DOCK10: variants seen among roughly 807,000 people sequenced by gnomAD.
DOCK10 encodes dedicator of cytokinesis 10.
A neutral mutation model predicts 280.1 loss-of-function variants in DOCK10; 145 were observed. The ratio of observed to expected loss-of-function variants is 0.52; its 90% CI spans 0.45 to 0.59. The LOEUF (loss-of-function observed/expected upper bound fraction) is 0.59. Ranked by LOEUF, DOCK10 falls within the 20% of genes least tolerant of loss-of-function variation. DOCK10 has a pLI of 0.00. For missense variants in DOCK10, 2,368 were observed against 2,651.7 expected, an observed-to-expected ratio of 0.89 and a Z score of 2.35; for synonymous variants, 915 against 942.2, an observed-to-expected ratio of 0.97 and a Z score of 0.53.
chr2:224,971,818 G>A (rs1274227064), intron 1 of DOCK10, among the ~76,000 whole-genome samples: 1 of 152,036 alleles, frequency 6.6e-6, no homozygotes, highest in Non-Finnish European at 1.5e-5. Flanking sequence ...AAATTGAAAT[G>A]TGTTATATGT....
rs957515464 is a variant in DOCK10, at chr2:224,871,971, C to T, written c.1257+2025G>A. On this transcript the variant is annotated intron_variant, in intron 11 of 55. Transcript: ENST00000258390. ...GGGACCTTGCTTATCTAGTTACTTCCTGTTTTCCCAGTTCTTAGGACAAGT... is the reference window on the plus strand; with the variant it reads ...GGGACCTTGCTTATCTAGTTACTTCTTGTTTTCCCAGTTCTTAGGACAAGT... 4.4e-4 allele frequency among the ~76,000 whole-genome samples: 67 copies of T among 152,176 alleles called. 2 individuals are homozygous for T. Among genetic ancestry groups the T allele is most frequent in the Non-Finnish European group, 2.9e-5 (2 of 68,028 alleles).
Position 224,916,891 on chromosome 2 carries a change from G to T in DOCK10, c.244-107C>A, listed in dbSNP as rs1701359600. 5 of 799,168 alleles carry T rather than the reference G, an allele frequency of 6.3e-6. No individual in the cohort carries two copies. In the Admixed American group the frequency reaches 1.2e-4, roughly 18 times the overall value. The allele number at this position is 799,168 out of a possible 1,614,324, so 49.5% of individuals were successfully genotyped here. On this transcript the variant is annotated intron_variant, in intron 2 of 55. Transcript: ENST00000258390. ...AGTCTTTTAGATCTTAGTATTTAAAGTTAACAGAAGACAGAGACACTTCTG... is the reference window on the plus strand; with the variant it reads ...AGTCTTTTAGATCTTAGTATTTAAATTTAACAGAAGACAGAGACACTTCTG...
chr2:225,014,927 T>C (rs1195155631), intron 1 of DOCK10, among the ~76,000 whole-genome samples: 10 of 152,348 alleles, frequency 6.6e-5, no homozygotes, highest in Admixed American at 6.5e-4. Context: ...ACTAATTCAT[T>C]CTTTACCTCT....
rs745656233 is a variant in DOCK10 at position 224,805,396 on chromosome 2, G to A, written c.3936+12C>T. 40 of 1,612,620 alleles carry A rather than the reference G, an allele frequency of 2.5e-5. 1 individual carries two copies. In the Middle Eastern group the frequency reaches 6.6e-4, roughly 27 times the overall value. On this transcript the variant is annotated intron_variant, in intron 35 of 55. Transcript: ENST00000258390. The surrounding 1 kb of genome is among the most constrained non-coding windows in gnomAD (Gnocchi z 4.3). Reference sequence around the variant, plus strand: ...CTTGTAATGATCAGTAGGTTTGAGAGGGAAGTCATACCTTTTCACAGTTGT... The same window carrying A: ...CTTGTAATGATCAGTAGGTTTGAGAAGGAAGTCATACCTTTTCACAGTTGT...
intron 19 of DOCK10, among the ~76,000 whole-genome samples, chr2:224,846,601 A>G (rs1279936638): frequency 6.7e-6 from 1 of 150,052 alleles, no homozygotes; most frequent in East Asian, 2.0e-4. Context: ...GGTTCAAGTG[A>G]TTCTCCTGCC....
intron 55 of DOCK10, among the ~76,000 whole-genome samples, chr2:224,768,060 T>C (rs1402619910): frequency 6.6e-6 from 1 of 151,606 alleles, no homozygotes; most frequent in Admixed American, 6.6e-5. Flanking sequence ...ATTGTAGGAG[T>C]GTGCCACCAC....
chr2:224,914,180 G>T (rs1701191255), intron 3 of DOCK10, among the ~76,000 whole-genome samples: 1 of 152,292 alleles, frequency 6.6e-6, no homozygotes, highest in South Asian at 2.1e-4. Context: ...CTTCCCCAGA[G>T]ACTTTGAAGT....
intron 2 of DOCK10, among the ~76,000 whole-genome samples, chr2:224,921,043 T>C (rs1396395607): frequency 7.3e-6 from 1 of 136,298 alleles, no homozygotes; most frequent in Non-Finnish European, 1.5e-5. Flanking sequence ...CCAATTGAGG[T>C]CAAGAGTTTG....
chr2:224,837,279 G>A (rs1695651891), intron 25 of DOCK10, among the ~76,000 whole-genome samples: 1 of 152,204 alleles, frequency 6.6e-6, no homozygotes, highest in South Asian at 2.1e-4. Flanking sequence ...TGGGCAAGTG[G>A]TTCATGCCAG....
At chr2:224,991,232 G>A (rs1024050422) in intron 1 of DOCK10, among the ~76,000 whole-genome samples, 5 of 152,162 alleles carry the variant, frequency 3.3e-5, no homozygotes, top group Admixed American at 6.6e-5. Context: ...GTGAAATAAC[G>A]CAGCCTAGAA....
Position 224,795,952 on chromosome 2 carries a change from A to AAAGTGT in DOCK10, c.4938+358_4938+363dup, listed in dbSNP as rs1347089972. Among the ~76,000 whole-genome samples the AAAGTGT allele has an allele frequency of 1.1e-4, 16 of 152,322 alleles. No homozygotes were observed. In the South Asian group the frequency reaches 1.9e-3, roughly 18 times the overall value. ...ATGCCTCTTAACAGATCACATGCTT[A>AAAGTGT]AAGTGTAAGAGCTGCTTAACGATTC... On this transcript the variant is annotated intron_variant, in intron 44 of 55. Transcript: ENST00000258390.
rs372387177 is a variant in DOCK10 at position 224,845,585 on chromosome 2, A to G, written c.2293T>C (p.Tyr765His). Residue 765 changes from tyrosine to histidine, a missense_variant, in exon 20 of 56, where the codon TAT becomes CAT. Transcript: ENST00000258390. ...GCATTGATGTCACAGGTGACGTGAT[A>G]AAAAGAAAACAAAATATGGTGTTTC... is the stretch of plus-strand genomic sequence containing the variant. ...HEKHHILFSFYHVTCDINAKA... is the reference protein window; with the variant it reads ...HEKHHILFSFHHVTCDINAKA... 1.2e-6 allele frequency: 2 copies of G among 1,613,438 alleles called. No individual in the cohort carries two copies. The highest frequency in any genetic ancestry group is 1.1e-5 in the South Asian group (1 of 90,914).
chr2:224,872,490 A>G (rs1471915220), intron 11 of DOCK10, among the ~76,000 whole-genome samples: 2 of 152,196 alleles, frequency 1.3e-5, no homozygotes, highest in Non-Finnish European at 2.9e-5. Context: ...CTCCTCATTA[A>G]ATCAGAGGTC....
intron 1 of DOCK10, among the ~76,000 whole-genome samples, chr2:225,013,646 T>C (rs904214579): frequency 6.6e-6 from 1 of 152,194 alleles, no homozygotes; most frequent in Non-Finnish European, 1.5e-5. Flanking sequence ...GGGCTTCCTG[T>C]GCTCAGTGTG....
At chr2:224,946,285 CA>C (rs1575099472) in intron 1 of DOCK10, among the ~76,000 whole-genome samples, 1 of 152,268 alleles carries the variant, frequency 6.6e-6, no homozygotes, top group East Asian at 1.9e-4. Context: ...AACAGCAAAA[CA>C]AAACCAAATC....
intron 3 of DOCK10, among the ~76,000 whole-genome samples, chr2:224,903,111 AAAAC>A (rs1006800046): frequency 8.5e-5 from 13 of 152,348 alleles, no homozygotes; most frequent in South Asian, 4.1e-4. Context: ...AAACCAAAAC[AAAAC>A]AAACAAACAA....
intron 1 of DOCK10, among the ~76,000 whole-genome samples, chr2:224,940,924 T>C (rs1257938934): frequency 6.6e-6 from 1 of 152,174 alleles, no homozygotes. Context: ...CCTCCCCCCA[T>C]TTTCATCTTA....
At chr2:225,027,503 G>A (rs1453115346) in intron 1 of DOCK10, among the ~76,000 whole-genome samples, 1 of 152,154 alleles carries the variant, frequency 6.6e-6, no homozygotes, top group African/African-American at 2.4e-5. Context: ...GGAAGTGATT[G>A]CATCATGGGA....
At chr2:224,892,397 CAAAAAAAAAAAAAA>C (rs1174651393) in intron 4 of DOCK10, among the ~76,000 whole-genome samples, 1 of 52,254 alleles carries the variant, frequency 1.9e-5, no homozygotes, top group Non-Finnish European at 3.3e-5. Context: ...GACCCTGTCT[CAAAAAAAAAAAAAA>C]AAAAAAAAAA....
Sources: gnomAD v4.1 joint callset for allele counts (sites outside exome capture counted in the v4.1 genomes callset) on GRCh38, gnomAD v4.1.1 for gene constraint, Gnocchi (gnomAD v3.1) non-coding constraint, MANE v1.5 for transcripts, NCBI Gene and HGNC (gene_info 2026-07-23, HGNC 2026-07-21) for gene names.